The following BFSP1 variants were observed in gnomAD, a reference collection of about 807,000 sequenced individuals.
BFSP1 encodes the protein beaded filament structural protein 1, also known as filensin.
A neutral mutation model predicts 43.9 loss-of-function variants in BFSP1; 38 were observed. That is an observed-to-expected ratio of 0.87 (90% CI 0.67 to 1.14). The LOEUF (loss-of-function observed/expected upper bound fraction) is 1.14, where lower values mean the gene tolerates loss of function less well. Among genes scored for constraint, BFSP1 ranks in the 50% most tolerant of loss-of-function variants. The pLI is 0.00. For missense variants in BFSP1, 850 were observed against 875.1 expected, an observed-to-expected ratio of 0.97 and a Z score of 0.36; for synonymous variants, 352 against 354.8, an observed-to-expected ratio of 0.99 and a Z score of 0.09.
At chr20:17,548,180 C>CAAAAAAA (rs11470598) in intron 1 of BFSP1, among the ~76,000 whole-genome samples, 15 of 119,838 alleles carry the variant, frequency 1.3e-4, no homozygotes, top group East Asian at 2.8e-4. Context: ...GAAAATAATG[C>CAAAAAAA]AAAAAAAAAA....
upstream of BFSP1, among the ~76,000 whole-genome samples, chr20:17,535,299 G>C (rs1600670782): frequency 6.6e-6 from 1 of 152,170 alleles, no homozygotes; most frequent in East Asian, 2.0e-4. Context: ...GGGAGACCAA[G>C]GTGGGCGGAT....
upstream of BFSP1, among the ~76,000 whole-genome samples, chr20:17,561,326 G>A (rs1475531956): frequency 6.6e-6 from 1 of 151,780 alleles, no homozygotes; most frequent in South Asian, 2.1e-4. Flanking sequence ...GTGAAACCCC[G>A]TCTGTACTAA....
chr20:17,497,473 T>C (rs1293928747), intron 6 of BFSP1, among the ~76,000 whole-genome samples: 4 of 59,428 alleles, frequency 6.7e-5, no homozygotes, highest in South Asian at 5.7e-4. Flanking sequence ...CACACACACG[T>C]ATATATACGT....
intron 1 of BFSP1, among the ~76,000 whole-genome samples, chr20:17,555,897 G>A (rs1450212403): frequency 6.6e-6 from 1 of 151,918 alleles, no homozygotes; most frequent in Non-Finnish European, 1.5e-5. Context: ...GAAGAACAAG[G>A]GCCCATCAAA....
chr20:17,508,819 G>A, intron 5 of BFSP1, 70 bp downstream of exon 5: 3 of 1,351,412 alleles, frequency 2.2e-6, no homozygotes, highest in Non-Finnish European at 3.0e-6. Flanking sequence ...CTGCATGCGT[G>A]TGCCTGCGCG....
upstream of BFSP1, among the ~76,000 whole-genome samples, chr20:17,533,614 G>A (rs540417189): frequency 1.3e-5 from 2 of 152,262 alleles, no homozygotes; most frequent in African/African-American, 4.8e-5. Context: ...ACATCTCATT[G>A]GTCAAAGCAA....
At chr20:17,498,001 C>G (rs1459211797) in intron 6 of BFSP1, among the ~76,000 whole-genome samples, 1 of 152,152 alleles carries the variant, frequency 6.6e-6, no homozygotes, top group Non-Finnish European at 1.5e-5. Flanking sequence ...ATGCCAGATA[C>G]ACCGACCAGC....
At chr20:17,500,778 AAG>A (rs748322503) in intron 5 of BFSP1, among the ~76,000 whole-genome samples, 1 of 152,170 alleles carries the variant, frequency 6.6e-6, no homozygotes, top group Non-Finnish European at 1.5e-5. Context: ...GTTATTAAAA[AAG>A]AGTCAAGAAG....
intron 5 of BFSP1, among the ~76,000 whole-genome samples, chr20:17,499,946 T>C (rs2033755840): frequency 6.6e-6 from 1 of 152,136 alleles, no homozygotes; most frequent in South Asian, 2.1e-4. Flanking sequence ...AAACTTGCTA[T>C]CGGTGGAATA....
Position 17,494,098 on chromosome 20 carries a change from C to G in BFSP1, c.1974G>C (p.Lys658Asn). 2.5e-6 allele frequency: 4 copies of G among 1,613,572 alleles called. No homozygotes were observed. Among genetic ancestry groups the G allele is most frequent in the Non-Finnish European group, 3.4e-6 (4 of 1,179,738 alleles). The change falls in exon 8 of 8, where the codon AAG becomes AAC. Residue 658 changes from lysine to asparagine, a missense_variant. By Grantham distance (94) the Lys-to-Asn change is moderately conservative. Coordinates refer to ENST00000377873, the MANE Select transcript of BFSP1 (RefSeq NM_001195.5). ...TMIGKTKSDK[K>N]KSGEKSS ...TTTAAGAGCTCTTCTCTCCTGATTT[C>G]TTCTTGTCTGACTTTGTCTTTCCAA...
chr20:17,500,202 A>G (rs966472747), intron 5 of BFSP1, among the ~76,000 whole-genome samples: 2 of 152,244 alleles, frequency 1.3e-5, no homozygotes, highest in African/African-American at 4.8e-5. Flanking sequence ...TGTACACATA[A>G]AATAATGTCA....
intron 1 of BFSP1, 42 bp downstream of exon 1, chr20:17,530,911 G>C (rs1448939788): frequency 1.5e-6 from 2 of 1,363,770 alleles, no homozygotes; most frequent in Non-Finnish European, 9.4e-7. Context: ...CGCCGGGACG[G>C]CCCACGCCCT....
chr20:17,559,680 T>G (rs1318161534), upstream of BFSP1, among the ~76,000 whole-genome samples: 3 of 152,142 alleles, frequency 2.0e-5, no homozygotes, highest in Non-Finnish European at 2.9e-5. Flanking sequence ...CGGCATTAGA[T>G]TCTCATAGGA....
chr20:17,547,897 ATTTTTTTTTTT>A (rs71192391), intron 1 of BFSP1, among the ~76,000 whole-genome samples: 1 of 101,896 alleles, frequency 9.8e-6, no homozygotes, highest in Admixed American at 1.2e-4. Context: ...TGCCCGGCCA[ATTTTTTTTTTT>A]TTTTTTTTTT....
intron 1 of BFSP1, chr20:17,565,561 C>A (rs1334906533): frequency 1.3e-5 from 2 of 152,196 alleles, no homozygotes; most frequent in East Asian, 3.8e-4. Context: ...ATTAACTGCA[C>A]AAAAGCAAGT....
At chr20:17,527,946 T>A (rs1224811201) in intron 1 of BFSP1, among the ~76,000 whole-genome samples, 1 of 152,222 alleles carries the variant, frequency 6.6e-6, no homozygotes, top group East Asian at 1.9e-4. Context: ...TTTTATTCAG[T>A]GTTTTGTTTA....
At chr20:17,560,632 A>T (rs1364482170), upstream of BFSP1, 2 of 152,248 alleles carry the variant, frequency 1.3e-5, no homozygotes, top group African/African-American at 4.8e-5. Flanking sequence ...TTGTGAATAT[A>T]AACAAGTTGC....
intron 7 of BFSP1, among the ~76,000 whole-genome samples, chr20:17,496,660 A>G (rs1052753407): frequency 6.6e-6 from 1 of 152,244 alleles, no homozygotes. Flanking sequence ...CTGTCAAACC[A>G]TAAAACAAAT....
rs11324389 is a variant in BFSP1, at chr20:17,547,026, C to CAA, written c.2+11660_2+11661dup. 4.9e-3 allele frequency among the ~76,000 whole-genome samples: 382 copies of CAA among 77,472 alleles called. 5 individuals carry two copies. The highest frequency in any genetic ancestry group is 0.021 in the Middle Eastern group (3 of 144). 50.8% of individuals were successfully genotyped at this position (77,472 alleles called of 152,430 possible). Reference sequence around the variant, plus strand: ...TGTGTGACAGAGCAAGACTCCATCTCAAAAAAAAAAAAAAAAAAAAAGATT... The same window carrying CAA: ...TGTGTGACAGAGCAAGACTCCATCTCAAAAAAAAAAAAAAAAAAAAAAAGATT... On this transcript the variant is annotated intron_variant, in intron 1 of 7. Transcript: ENST00000377868.
Sources: gnomAD v4.1 joint callset for allele counts (sites outside exome capture counted in the v4.1 genomes callset) on GRCh38, gnomAD v4.1.1 for gene constraint, MANE v1.5 for transcripts, NCBI Gene and HGNC (gene_info 2026-07-23, HGNC 2026-07-21) for gene names.